The following TARS3 variants were observed in gnomAD, a reference collection of about 807,000 sequenced individuals.
TARS3 encodes threonine--tRNA ligase 2, cytoplasmic.
In TARS3, 94 loss-of-function variants were observed where a neutral mutation model predicts 103.5. The observed-to-expected ratio is 0.91, with a 90% confidence interval of 0.77 to 1.08. The LOEUF (loss-of-function observed/expected upper bound fraction) is 1.08. Among genes scored for constraint, TARS3 ranks in the 50% least tolerant of loss-of-function variants. The pLI is 0.00. For synonymous variants in TARS3, 416 were observed against 355.4 expected (o/e 1.17, Z -1.92); for missense variants, 952 against 995.2 (o/e 0.96, Z 0.58).
intron 16 of TARS3, 36 bp from the exon 17 acceptor site, chr15:101,657,893 G>T: frequency 2.4e-6 from 3 of 1,269,206 alleles, no homozygotes; most frequent in South Asian, 1.4e-5. Flanking sequence ...TTTTCAAAGT[G>T]TAATAATGGC....
At chr15:101,655,845 A>G in intron 18 of TARS3, 1 of 1,266,304 alleles carries the variant, frequency 7.9e-7, no homozygotes, top group Non-Finnish European at 1.0e-6. Context: ...TTACAGGCTC[A>G]CGCTGACTCC....
intron 12 of TARS3, 131 bp from the exon 13 acceptor site, chr15:101,675,868 T>C (rs2141396290): frequency 9.6e-7 from 1 of 1,040,942 alleles, no homozygotes; most frequent in Non-Finnish European, 1.4e-6. Context: ...CCTGTTTTGG[T>C]TGCTTATCCA....
chr15:101,696,414 A>G (rs1898984246), intron 10 of TARS3, among the ~76,000 whole-genome samples: 1 of 152,114 alleles, frequency 6.6e-6, no homozygotes. Context: ...TAACCCTGGC[A>G]TGAGACTCTA....
intron 4 of TARS3, 136 bp from the exon 5 acceptor site, chr15:101,712,137 G>A: frequency 1.1e-6 from 1 of 897,174 alleles, no homozygotes; most frequent in Non-Finnish European, 1.6e-6. Context: ...AACTTGAAAG[G>A]AAAATCTTCG....
chr15:101,663,184 G>C (rs758152744), intron 15 of TARS3, among the ~76,000 whole-genome samples: 1 of 152,110 alleles, frequency 6.6e-6, no homozygotes. Flanking sequence ...TTATAAAGAA[G>C]CTGAAAAAAA....
rs548981313 is a variant in TARS3 at position 101,672,942 on chromosome 15, C to T, written c.1789-1194G>A. On this transcript the variant is annotated intron_variant, in intron 13 of 18. Transcript: ENST00000335968. ...AAGAAGCTAAAAAGCCAAGGAAAGG[C>T]CAAGTTTTGGAGAAGAGGATAAAGC... 1.4e-4 allele frequency among the ~76,000 whole-genome samples: 21 copies of T among 152,238 alleles called. No individual in the cohort carries two copies. In the South Asian group the frequency reaches 4.2e-3, roughly 30 times the overall value.
In TARS3 at chr15:101,714,891, T is replaced by A. The variant is rs1900059161; in HGVS notation, c.639A>T (p.Glu213Asp). ...TAAGCAGCTCTAGAGAAGAGTCCCC[T>A]TCCAATGGGCGGTCCAGGTCCCACA... ...GELWDLDRPL[E>D]GDSSLELLTF... The change falls in exon 4 of 19, where the codon GAA (glutamate) becomes GAT (aspartate). Residue 213 changes from glutamate to aspartate, a missense_variant. Transcript: ENST00000335968. 1 of 1,613,400 alleles carries A rather than the reference T, an allele frequency of 6.2e-7. No individual in the cohort carries two copies. Among genetic ancestry groups the A allele is most frequent in the African/African-American group, 1.3e-5 (1 of 74,908 alleles).
chr15:101,707,666 G>A lies in TARS3; in HGVS notation c.930+1127C>T, dbSNP rs75686320. 3.5e-4 allele frequency among the ~76,000 whole-genome samples: 53 copies of A among 151,374 alleles called. 1 individual carries two copies. The highest frequency in any genetic ancestry group is 1.2e-3 in the African/African-American group (50 of 41,338). Reference sequence around the variant, plus strand: ...GAGGAACCAAATTCAGAGACGGAGAGTAGAATGGTGGTGGCCAGGGGCTGG... The same window carrying A: ...GAGGAACCAAATTCAGAGACGGAGAATAGAATGGTGGTGGCCAGGGGCTGG... On this transcript the variant is annotated intron_variant, in intron 6 of 18. Coordinates refer to ENST00000335968, the MANE Select transcript of TARS3 (RefSeq NM_152334.3).
intron 6 of TARS3, 71 bp downstream of exon 6, chr15:101,708,722 A>T: frequency 2.0e-6 from 2 of 995,570 alleles, no homozygotes; most frequent in Non-Finnish European, 3.2e-6. Context: ...TATTTGGGGG[A>T]AGGTGGGGAA....
chr15:101,679,944 T>C (rs1445810910), intron 12 of TARS3, among the ~76,000 whole-genome samples: 1 of 152,196 alleles, frequency 6.6e-6, no homozygotes, highest in Non-Finnish European at 1.5e-5. Flanking sequence ...AAGCATGGCC[T>C]CATGACCAAT....
Position 101,715,726 on chromosome 15 carries a change from G to A in TARS3, c.567-763C>T, listed in dbSNP as rs147162949. On this transcript the variant is annotated intron_variant, in intron 3 of 18. Coordinates refer to ENST00000335968, the MANE Select transcript of TARS3 (RefSeq NM_152334.3). ...TGAAGCCTCCACTGCTGCACACTGA[G>A]GTCGCCTAAGTCTTGCTATCATAGA... Among the ~76,000 whole-genome samples, 234 of 152,224 alleles carry A rather than the reference G, an allele frequency of 1.5e-3. 1 individual carries two copies. Among genetic ancestry groups the A allele is most frequent in the African/African-American group, 5.2e-3 (215 of 41,542 alleles).
chr15:101,699,088 T>C (rs1190432592), intron 10 of TARS3, among the ~76,000 whole-genome samples: 1 of 152,204 alleles, frequency 6.6e-6, no homozygotes, highest in African/African-American at 2.4e-5. Context: ...CTAGAGCCTC[T>C]ACACCTAAAT....
intron 15 of TARS3, among the ~76,000 whole-genome samples, chr15:101,670,972 C>A (rs951478159): frequency 2.0e-5 from 3 of 152,226 alleles, no homozygotes; most frequent in Non-Finnish European, 4.4e-5. Flanking sequence ...TAACGGCAGC[C>A]AGGGGTTAGG....
intron 7 of TARS3, among the ~76,000 whole-genome samples, chr15:101,705,414 C>T (rs1899506721): frequency 6.6e-6 from 1 of 152,210 alleles, no homozygotes; most frequent in Admixed American, 6.5e-5. Context: ...ATAGAAACTC[C>T]TTTCCCAACA....
At position 101,654,313 on chromosome 15, in the gene TARS3, C is replaced by G. The variant is rs912359065; in HGVS notation, c.*269G>C. 4.7e-5 allele frequency: 16 copies of G among 340,280 alleles called. No individual in the cohort carries two copies. The highest frequency in any genetic ancestry group is 3.4e-4 in the African/African-American group (16 of 47,160). 21.1% of individuals were successfully genotyped at this position (340,280 alleles called of 1,614,324 possible). ...AATCATTTCCTAGTGTTTTGTTTCACTTTCTCGATGAATAATATTTCCCCA... is the reference window on the plus strand; with the variant it reads ...AATCATTTCCTAGTGTTTTGTTTCAGTTTCTCGATGAATAATATTTCCCCA... On this transcript the variant is annotated 3_prime_UTR_variant, in exon 19 of 19. Transcript: ENST00000335968.
In TARS3 at chr15:101,697,068, C is replaced by A. The variant is rs557783005; in HGVS notation, c.1320+4018G>T. 2.6e-5 allele frequency among the ~76,000 whole-genome samples: 4 copies of A among 152,234 alleles called. No individual in the cohort carries two copies. In the South Asian group the frequency reaches 8.3e-4, roughly 32 times the overall value. On this transcript the variant is annotated intron_variant, in intron 10 of 18. Coordinates refer to ENST00000335968, the MANE Select transcript of TARS3 (RefSeq NM_152334.3). ...GAATATTCATAGCTCTTCTTATAAC[C>A]TGTTAAATATTTATACTTGGCCAAT...
At chr15:101,699,306 G>A (rs943350122) in intron 10 of TARS3, 1 of 424,896 alleles carries the variant, frequency 2.4e-6, no homozygotes, top group Non-Finnish European at 4.7e-6. Flanking sequence ...AAGCCTCAGG[G>A]ACCCTTCCCA....
At chr15:101,700,351 C>T (rs1253856942) in intron 10 of TARS3, among the ~76,000 whole-genome samples, 2 of 152,194 alleles carry the variant, frequency 1.3e-5, no homozygotes, top group Admixed American at 6.5e-5. Context: ...TCCTCTGGAA[C>T]TGCCAAATCA....
Position 101,656,909 on chromosome 15 carries a change from A to C in TARS3, c.2260+13T>G. On this transcript the variant is annotated intron_variant, in intron 18 of 18. Coordinates refer to ENST00000335968, the MANE Select transcript of TARS3 (RefSeq NM_152334.3). ...AAAAAGCATTTGGAAAAATATATAC[A>C]AACTTAAATTACCCAAAATAAAATT... 6 of 1,554,648 alleles carry C rather than the reference A, an allele frequency of 3.9e-6. No homozygotes were observed. Among genetic ancestry groups the C allele is most frequent in the Non-Finnish European group, 5.3e-6 (6 of 1,136,104 alleles).
Sources: allele counts gnomAD v4.1 joint callset (sites outside exome capture counted in the v4.1 genomes callset), GRCh38; gene constraint gnomAD v4.1.1; transcripts MANE v1.5; gene names NCBI Gene and HGNC (gene_info 2026-07-23, HGNC 2026-07-21).